RHBDF1: variants seen among roughly 807,000 people sequenced by gnomAD.
The protein encoded by RHBDF1 is rhomboid 5 homolog 1.
RHBDF1 carries 80 observed loss-of-function variants against 98.6 expected under a neutral mutation model. The observed-to-expected ratio is 0.81, with a 90% CI of 0.68 to 0.98. The LOEUF (loss-of-function observed/expected upper bound fraction) is 0.98. RHBDF1 is among the 50% of genes least tolerant of loss of function. The pLI, the probability that RHBDF1 is intolerant of heterozygous loss-of-function variation, is 0.00. For synonymous variants in RHBDF1, 512 were observed against 486.8 expected (o/e 1.05, Z -0.68); for missense variants, 1,116 against 1,198.3 (o/e 0.93, Z 1.01).
intron 11 of RHBDF1, 54 bp from the exon 12 acceptor site, chr16:60,593 A>G: frequency 7.2e-7 from 1 of 1,392,922 alleles, no homozygotes; most frequent in Non-Finnish European, 1.0e-6. Context: ...AATGAGGGGC[A>G]CGCAGGGAGT....
intron 1 of RHBDF1, among the ~76,000 whole-genome samples, chr16:72,073 C>T (rs914651030): frequency 3.3e-5 from 5 of 152,186 alleles, no homozygotes; most frequent in East Asian, 1.9e-4. Context: ...AGTTTCAGCT[C>T]GGAGACACCA....
chr16:68,660 G>C (rs1300368090), intron 1 of RHBDF1, among the ~76,000 whole-genome samples: 2 of 26,586 alleles, frequency 7.5e-5, no homozygotes, highest in South Asian at 1.5e-3. Flanking sequence ...AGGACCAGCT[G>C]GGGGGGCTGC....
At chr16:68,358 A>G (rs1265550990) in intron 1 of RHBDF1, among the ~76,000 whole-genome samples, 1 of 152,228 alleles carries the variant, frequency 6.6e-6, no homozygotes, top group Admixed American at 6.5e-5. Flanking sequence ...GGGCAGGCCC[A>G]GGCTGGACAA....
At position 64,839 on chromosome 16, in the gene RHBDF1, AG is replaced by A; in HGVS notation, c.118-11del. 1.2e-6 allele frequency: 2 copies of A among 1,614,072 alleles called. No homozygotes were observed. ...CCTGTCGCCTCAGGGGCTGGGCAAC[AG>A]GGTCATGGTGAGGGTACTGGACAGG... On this transcript the variant is annotated splice_polypyrimidine_tract_variant and intron_variant, in intron 2 of 17. Coordinates refer to ENST00000262316, the MANE Select transcript of RHBDF1 (RefSeq NM_022450.5).
At position 61,842 on chromosome 16, in the gene RHBDF1, G is replaced by C. The variant is rs930226218; in HGVS notation, c.1164C>G (p.Ile388Met). The C allele has an allele frequency of 6.2e-7, 1 of 1,612,296 alleles. No individual in the cohort carries two copies. Among genetic ancestry groups the C allele is most frequent in the Admixed American group, 1.7e-5 (1 of 59,992 alleles). ...CGATCTGGCGCTTGACGAAGCTGTC[G>C]ATGCGCTTGCGGTAGGTGCGGTTGG... ...RLTNRTYRKR[I>M]DSFVKRQIED... Residue 388 changes from isoleucine to methionine, a missense_variant, in exon 8 of 18, where the codon ATC becomes ATG. Transcript: ENST00000262316.
Position 60,188 on chromosome 16 carries a change from C to G in RHBDF1, c.1722+28G>C, listed in dbSNP as rs745653206. 20 of 1,613,620 alleles carry G rather than the reference C, an allele frequency of 1.2e-5. 1 individual carries two copies. The South Asian group carries it at 2.2e-4, about 18-fold the overall frequency. On this transcript the variant is annotated intron_variant, in intron 13 of 17. Transcript: ENST00000262316. Reference sequence around the variant, plus strand: ...TCTCTCCCACATGACACGGAGGGCTCCCTAACAACCCCCCCACTGCAGCTC... The same window carrying G: ...TCTCTCCCACATGACACGGAGGGCTGCCTAACAACCCCCCCACTGCAGCTC...
chr16:63,849 G>T (rs2141855609), intron 3 of RHBDF1, 49 bp from the exon 4 acceptor site: 2 of 1,533,746 alleles, frequency 1.3e-6, no homozygotes, highest in Non-Finnish European at 1.8e-6. Context: ...CCCCTCCCAG[G>T]CAGGGGACTT....
At chr16:59,188 C>T in intron 16 of RHBDF1, 61 bp from the exon 17 acceptor site, 1 of 1,593,932 alleles carries the variant, frequency 6.3e-7, no homozygotes, top group Non-Finnish European at 8.6e-7. Context: ...CTTTCTGCCA[C>T]CCCCAGCCAG....
In RHBDF1 at chr16:59,898, A is replaced by G. The variant is rs1179161711; in HGVS notation, c.1723-72T>C. The G allele has an allele frequency of 8.7e-6, 14 of 1,606,836 alleles. No individual in the cohort carries two copies. In the East Asian group the frequency reaches 2.7e-4, roughly 31 times the overall value. On this transcript the variant is annotated intron_variant, in intron 13 of 17. Transcript: ENST00000262316. ...TTGGCCCCACACCACGTTTGGGGGT[A>G]GAGGCAAAGATGGGTGGGCTCATAA...
chr16:64,871 C>T (rs1897784537), intron 2 of RHBDF1, 28 bp downstream of exon 2: 2 of 1,613,790 alleles, frequency 1.2e-6, no homozygotes, highest in Admixed American at 1.7e-5. Flanking sequence ...ACAGGGGGCA[C>T]CCACAGTCCC....
Position 61,262 on chromosome 16 carries a change from C to T in RHBDF1, c.1415G>A (p.Gly472Asp), listed in dbSNP as rs1251644316. Reference protein sequence around the residue: ...GPSSEALIHLGAKFSPCMRQD... With the variant: ...GPSSEALIHLDAKFSPCMRQD... ...GCGCATGCAGGGCGAAAACTTGGCG[C>T]CCAGGTGGATGAGGGCCTCCTGCGG... The change falls in exon 11 of 18, where the codon GGC (glycine) becomes GAC (aspartate). Residue 472 changes from glycine (G) to aspartate (D), a missense_variant. Transcript: ENST00000262316. 6.5e-7 allele frequency: 1 copy of T among 1,544,792 alleles called. No individual in the cohort carries two copies. The highest frequency in any genetic ancestry group is 2.5e-5 in the East Asian group (1 of 40,746).
At chr16:66,007 G>A (rs1897820946) in intron 1 of RHBDF1, among the ~76,000 whole-genome samples, 1 of 152,238 alleles carries the variant, frequency 6.6e-6, no homozygotes. Flanking sequence ...GGCCACCACT[G>A]CCTGGCCATA....
upstream of RHBDF1, among the ~76,000 whole-genome samples, chr16:72,924 T>C (rs1898016787): frequency 6.6e-6 from 1 of 152,104 alleles, no homozygotes; most frequent in Admixed American, 6.5e-5. Flanking sequence ...CCCTGATTTG[T>C]GCTGAGAAGA....
At chr16:65,104 A>C in intron 1 of RHBDF1, 65 bp from the exon 2 acceptor site, 1 of 1,459,064 alleles carries the variant, frequency 6.9e-7, no homozygotes, top group South Asian at 1.5e-5. Context: ...TTGCACCCAG[A>C]CCCGGGAGGA....
At position 59,802 on chromosome 16, in the gene RHBDF1, T is replaced by C. The variant is rs747613202; in HGVS notation, c.1747A>G (p.Asn583Asp). 6.2e-7 allele frequency: 1 copy of C among 1,614,150 alleles called. No individual in the cohort carries two copies. Among genetic ancestry groups the C allele is most frequent in the Non-Finnish European group, 8.5e-7 (1 of 1,180,022 alleles). ...WPICTKNSAG[N>D]HTNHPHMDCV... ...TCCATGTGGGGATGGTTGGTGTGGT[T>C]CCCAGCGCTGTTTTTGGTGCAGATC... The change falls in exon 14 of 18, where the codon AAC (asparagine) becomes GAC (aspartate). Residue 583 changes from asparagine (N) to aspartate (D), a missense_variant. Coordinates refer to ENST00000262316, the MANE Select transcript of RHBDF1 (RefSeq NM_022450.5).
In RHBDF1 at chr16:62,530, G is replaced by A. The variant is rs369717181; in HGVS notation, c.953+8C>T. ...TCTCTGCCCCTCTTCCCTGCCTGCC[G>A]CACTCACAGCATCAGGTGGCTGCGC... On this transcript the variant is annotated splice_region_variant and intron_variant, in intron 7 of 17. Coordinates refer to ENST00000262316, the MANE Select transcript of RHBDF1 (RefSeq NM_022450.5). 1.3e-5 allele frequency: 21 copies of A among 1,610,874 alleles called. No homozygotes were observed. The highest frequency in any genetic ancestry group is 1.2e-4 in the Admixed American group (7 of 59,980).
intron 12 of RHBDF1, 42 bp downstream of exon 12, chr16:60,397 G>A: frequency 6.3e-7 from 1 of 1,599,814 alleles, no homozygotes; most frequent in Non-Finnish European, 8.6e-7. Context: ...CCCGGGGAAG[G>A]TGTGGACAAA....
At position 61,941 on chromosome 16, in the gene RHBDF1, A is replaced by ACGCTGGCCCCGTCGCGGCCC; in HGVS notation, c.1045_1064dup (p.Ile356GlyfsTer72). The ACGCTGGCCCCGTCGCGGCCC allele has an allele frequency of 6.3e-7, 1 of 1,598,264 alleles. No homozygotes were observed. Among genetic ancestry groups the ACGCTGGCCCCGTCGCGGCCC allele is most frequent in the Non-Finnish European group, 8.5e-7 (1 of 1,178,902 alleles). ...AGAGCTTGCGCACCGGCACCGCGAT[A>ACGCTGGCCCCGTCGCGGCCC]CGCTGGCCCCGTCGCGGCCCCGCGG... On this transcript the variant is annotated frameshift_variant, in exon 8 of 18. Coordinates refer to ENST00000262316, the MANE Select transcript of RHBDF1 (RefSeq NM_022450.5). LOFTEE classifies it high-confidence loss of function.
Position 58,189 on chromosome 16 carries a change from A to G in RHBDF1, c.*151T>C. The stretch of plus-strand genomic sequence containing the variant: ...CCCGGCAGTACGAGGGGTTCAACAG[A>G]AGTGAACAAGGCACAAGAAAGAGGT... On this transcript the variant is annotated 3_prime_UTR_variant, in exon 18 of 18. Transcript: ENST00000262316. 1 of 688,834 alleles carries G rather than the reference A, an allele frequency of 1.5e-6. No homozygotes were observed. Among genetic ancestry groups the G allele is most frequent in the South Asian group, 1.9e-5 (1 of 52,686 alleles). The allele number at this position is 688,834 out of a possible 1,614,324, so 42.7% of individuals were successfully genotyped here. A position where few individuals can be genotyped will look rare whatever the true frequency, so the allele number is the denominator to read the frequency against.
Sources: gnomAD v4.1 joint callset for allele counts (sites outside exome capture counted in the v4.1 genomes callset) on GRCh38, gnomAD v4.1.1 for gene constraint, MANE v1.5 for transcripts, NCBI Gene and HGNC (gene_info 2026-07-23, HGNC 2026-07-21) for gene names.